SQOR: variants seen among roughly 807,000 people sequenced by gnomAD.
SQOR encodes the protein sulfide:quinone oxidoreductase, mitochondrial.
A neutral mutation model predicts 48.6 loss-of-function variants in SQOR; 39 were observed. The ratio of observed to expected loss-of-function variants is 0.80; its 90% CI spans 0.62 to 1.05. SQOR has a LOEUF of 1.05. Ranked by LOEUF, SQOR falls within the 50% of genes least tolerant of loss-of-function variation. SQOR has a pLI of 0.00. For missense variants in SQOR, 561 were observed against 559.9 expected, an observed-to-expected ratio of 1.00 and a Z score of -0.02; for synonymous variants, 220 against 206.2, an observed-to-expected ratio of 1.07 and a Z score of -0.57.
At chr15:45,668,775 C>G (rs1889884956) in intron 3 of SQOR, among the ~76,000 whole-genome samples, 1 of 152,174 alleles carries the variant, frequency 6.6e-6, no homozygotes, top group African/African-American at 2.4e-5. Flanking sequence ...TTTCTGGGCT[C>G]CTGAGTCTCA....
intron 1 of SQOR, among the ~76,000 whole-genome samples, chr15:45,649,812 G>A (rs143896671): frequency 0.012 from 1,866 of 151,202 alleles, 15 homozygotes; most frequent in Middle Eastern, 0.053. Flanking sequence ...GGGGTAAGGG[G>A]AAATGAGAAG....
chr15:45,676,039 TAA>T (rs199639985), intron 5 of SQOR, 60 bp from the exon 6 acceptor site: 1,095 of 1,263,910 alleles, frequency 8.7e-4, no homozygotes, highest in Non-Finnish European at 9.7e-4. Context: ...TTGTCTGGAT[TAA>T]AAAAAAAAAA....
intron 1 of SQOR, among the ~76,000 whole-genome samples, chr15:45,652,397 T>C (rs1889509718): frequency 6.6e-6 from 1 of 152,086 alleles, no homozygotes. Context: ...TGCAGGGGTG[T>C]GATCTCAGCT....
At chr15:45,676,044 A>AT (rs1446174353) in intron 5 of SQOR, 57 bp from the exon 6 acceptor site, 2 of 1,522,702 alleles carry the variant, frequency 1.3e-6, no homozygotes, top group East Asian at 4.5e-5. Flanking sequence ...TGGATTAAAA[A>AT]AAAAAAAGGC....
chr15:45,651,048 C>A (rs950943721), intron 1 of SQOR, among the ~76,000 whole-genome samples: 1 of 152,180 alleles, frequency 6.6e-6, no homozygotes, highest in Non-Finnish European at 1.5e-5. Flanking sequence ...TGGGACAGGG[C>A]ATCACAGAGC....
At chr15:45,659,995 T>C (rs1889691201) in intron 2 of SQOR, among the ~76,000 whole-genome samples, 1 of 152,134 alleles carries the variant, frequency 6.6e-6, no homozygotes, top group Non-Finnish European at 1.5e-5. Context: ...TCAGTGGGCT[T>C]AGAAATTTAA....
intron 1 of SQOR, among the ~76,000 whole-genome samples, chr15:45,647,077 A>C (rs2028590): frequency 0.4 from 60,174 of 151,836 alleles, 13,630 homozygotes; most frequent in East Asian, 0.73. Context: ...GGTGAAACTC[A>C]GTCTCTATTA....
At chr15:45,656,827 CAG>C (rs773813365) in intron 1 of SQOR, among the ~76,000 whole-genome samples, 46 of 152,014 alleles carry the variant, frequency 3.0e-4, no homozygotes, top group African/African-American at 9.9e-4. Context: ...TTTTTTCAGA[CAG>C]AGTCTCACTC....
intron 1 of SQOR, among the ~76,000 whole-genome samples, chr15:45,642,100 A>G (rs184464283): frequency 1.1e-4 from 17 of 152,356 alleles, no homozygotes; most frequent in Admixed American, 1.1e-3. Flanking sequence ...TAAACAATCA[A>G]AAATGCTGAA....
intron 5 of SQOR, among the ~76,000 whole-genome samples, chr15:45,675,275 C>G (rs1256549716): frequency 1.3e-5 from 2 of 152,110 alleles, no homozygotes; most frequent in African/African-American, 4.8e-5. Context: ...ACCATAAGAT[C>G]TTAGGCATTT....
At chr15:45,678,769 T>C (rs185010285) in intron 6 of SQOR, among the ~76,000 whole-genome samples, 3 of 152,346 alleles carry the variant, frequency 2.0e-5, no homozygotes, top group East Asian at 3.9e-4. Context: ...AGTTTTCCTT[T>C]TTCCTGGCTG....
intron 5 of SQOR, among the ~76,000 whole-genome samples, chr15:45,675,554 C>T (rs1187075180): frequency 1.3e-5 from 2 of 151,960 alleles, no homozygotes; most frequent in Non-Finnish European, 2.9e-5. Flanking sequence ...GTCACCATGC[C>T]CAGCTAATTT....
At chr15:45,682,348 A>T in intron 6 of SQOR, 130 bp from the exon 7 acceptor site, 1 of 909,658 alleles carries the variant, frequency 1.1e-6, no homozygotes, top group Non-Finnish European at 1.6e-6. Context: ...GTGGACTGGT[A>T]CAAGTGCTGA....
intron 1 of SQOR, 55 bp downstream of exon 1, chr15:45,635,163 C>A (rs1359092459): frequency 1.3e-5 from 2 of 152,266 alleles, no homozygotes; most frequent in Non-Finnish European, 2.9e-5. Flanking sequence ...GGAGACTGGG[C>A]GGGGACAGCG....
At chr15:45,689,804 T>C (rs1448034303) in intron 9 of SQOR, among the ~76,000 whole-genome samples, 2 of 152,192 alleles carry the variant, frequency 1.3e-5, no homozygotes, top group African/African-American at 4.8e-5. Context: ...ATTTGAGTCA[T>C]ACTTCTGCTA....
chr15:45,682,852 A>G (rs1160169360), intron 7 of SQOR, among the ~76,000 whole-genome samples, 191 bp downstream of exon 7: 1 of 151,942 alleles, frequency 6.6e-6, no homozygotes, highest in Admixed American at 6.6e-5. Context: ...ACATGGTGAA[A>G]CCCCGTCTCT....
At chr15:45,671,107 C>G (rs965209888) in intron 4 of SQOR, among the ~76,000 whole-genome samples, 13 of 152,124 alleles carry the variant, frequency 8.5e-5, no homozygotes, top group Non-Finnish European at 1.6e-4. Context: ...TTAAAAGTAG[C>G]CATTATTATG....
upstream of SQOR, chr15:45,631,625 AG>A (rs1894900879): frequency 6.6e-6 from 1 of 152,132 alleles, no homozygotes; most frequent in Non-Finnish European, 1.5e-5. Context: ...CTTCCTCCTG[AG>A]CCTTCCCTTT....
intron 1 of SQOR, among the ~76,000 whole-genome samples, chr15:45,651,258 C>T (rs1212202576): frequency 6.6e-6 from 1 of 152,314 alleles, no homozygotes; most frequent in East Asian, 1.9e-4. Flanking sequence ...CGTGCTAAGC[C>T]CCTCACTGCC....
Sources: gnomAD v4.1 joint callset for allele counts (sites outside exome capture counted in the v4.1 genomes callset) on GRCh38, gnomAD v4.1.1 for gene constraint, MANE v1.5 for transcripts, NCBI Gene and HGNC (gene_info 2026-07-23, HGNC 2026-07-21) for gene names.